SLC5A2: variants seen among roughly 807,000 people sequenced by gnomAD.
The protein encoded by SLC5A2 is solute carrier family 5 member 2.
In SLC5A2, 67 loss-of-function variants were observed where a neutral mutation model predicts 69.0. The observed-to-expected ratio is 0.97, with a 90% CI of 0.80 to 1.19. The LOEUF is 1.19. SLC5A2 is among the 50% of genes most tolerant of loss of function. The pLI is 0.00. For synonymous variants in SLC5A2, 455 were observed against 395.8 expected, an observed-to-expected ratio of 1.15 and a Z score of -1.78; for missense variants, 1,001 against 921.5, an observed-to-expected ratio of 1.09 and a Z score of -1.12.
rs559507725 is a variant in SLC5A2, at chr16:31,489,353, G to A, written c.1665+15G>A. On this transcript the variant is annotated intron_variant, in intron 12 of 13. Transcript: ENST00000330498. ...CCAGAAAGCACGTGAGTGGCCAGGT[G>A]CCCCAGGCAAGCACTGTGGGACACA... 6 of 1,603,140 alleles carry A rather than the reference G, an allele frequency of 3.7e-6. No homozygotes were observed. The highest frequency in any genetic ancestry group is 2.2e-5 in the South Asian group (2 of 90,816).
At chr16:31,490,041 G>A in intron 12 of SLC5A2, 63 bp from the exon 13 acceptor site, 1 of 1,608,748 alleles carries the variant, frequency 6.2e-7, no homozygotes, top group Non-Finnish European at 8.5e-7. Flanking sequence ...GTGTGCAAGA[G>A]ACTTTAGGGC....
rs780302407 is a variant in SLC5A2, at chr16:31,488,782, G to A, written c.1280+10G>A. The A allele has an allele frequency of 3.1e-6, 5 of 1,599,744 alleles. No homozygotes were observed. The African/African-American group carries it at 5.3e-5, about 17-fold the overall frequency. On this transcript the variant is annotated intron_variant, in intron 10 of 13. Transcript: ENST00000330498. Reference sequence around the variant, plus strand: ...TGCTGCTGGTGGGACGGTGCGGCCTGGGCTCCCCTCCTCCCCAACGGATCA... The same window carrying A: ...TGCTGCTGGTGGGACGGTGCGGCCTAGGCTCCCCTCCTCCCCAACGGATCA...
Position 31,483,441 on chromosome 16 carries a change from C to T in SLC5A2, c.126+179C>T, listed in dbSNP as rs990808845. ...GACCCAGCCAACATTCCTCCCTTGT[C>T]TTCCCACTTTGGGACTGTGCTAGCT... On this transcript the variant is annotated intron_variant, in intron 1 of 13. Coordinates refer to ENST00000330498, the MANE Select transcript of SLC5A2 (RefSeq NM_003041.4). 2.6e-5 allele frequency among the ~76,000 whole-genome samples: 4 copies of T among 152,226 alleles called. No homozygotes were observed. The East Asian group carries it at 7.7e-4, about 29-fold the overall frequency.
rs1449064773 is a variant in SLC5A2, at chr16:31,487,620, G to A, written c.746G>A (p.Gly249Glu). Residue 249 changes from glycine (G) to glutamate (E), a missense_variant, in exon 7 of 14, where the codon GGA (glycine) becomes GAA (glutamate). Gly to Glu is a moderately conservative substitution (Grantham distance 98, BLOSUM62 -2). Coordinates refer to ENST00000330498, the MANE Select transcript of SLC5A2 (RefSeq NM_003041.4). Reference sequence around the variant, plus strand: ...ACGGTGTCCGAGGATCCAGCCGTGGGAAACATCTCCAGCTTCTGCTATCGA... The same window carrying A: ...ACGGTGTCCGAGGATCCAGCCGTGGAAAACATCTCCAGCTTCTGCTATCGA... Reference protein sequence around the residue: ...SLTVSEDPAVGNISSFCYRPR... With the variant: ...SLTVSEDPAVENISSFCYRPR... 6.2e-7 allele frequency: 1 copy of A among 1,613,764 alleles called. No individual in the cohort carries two copies. Among genetic ancestry groups the A allele is most frequent in the African/African-American group, 1.3e-5 (1 of 74,902 alleles).
rs780951892 is a variant in SLC5A2, at chr16:31,484,744, G to T, written c.198G>T (p.Pro66=). The T allele has an allele frequency of 3.7e-6, 6 of 1,610,528 alleles. No homozygotes were observed. The highest frequency in any genetic ancestry group is 3.4e-6 in the Non-Finnish European group (4 of 1,180,020). The change falls in exon 2 of 14, where the codon CCG becomes CCT. Residue 66 remains proline (P), a splice_region_variant and synonymous_variant. Coordinates refer to ENST00000330498, the MANE Select transcript of SLC5A2 (RefSeq NM_003041.4). Reference sequence around the variant, plus strand: ...CAGGACGCAGCATGGTGTGGTGGCCGGTGAGACGGGCTGGGCCGGGAACGG... The same window carrying T: ...CAGGACGCAGCATGGTGTGGTGGCCTGTGAGACGGGCTGGGCCGGGAACGG... ...FLAGRSMVWW[P]VGASLFASNI...
rs976338121 is a variant in SLC5A2 at position 31,490,657 on chromosome 16, C to A, written c.*122C>A. ...GAGAAGGTCCTGGCTCCCCTTCTCC[C>A]GGCCTTCCTCTGCCTGGGGCCCACT... is the stretch of plus-strand genomic sequence containing the variant. On this transcript the variant is annotated 3_prime_UTR_variant, in exon 14 of 14. Transcript: ENST00000330498. The A allele has an allele frequency of 4.5e-6, 5 of 1,103,678 alleles. No individual in the cohort carries two copies. The highest frequency in any genetic ancestry group is 2.6e-5 in the South Asian group (2 of 75,884). 68.4% of individuals were successfully genotyped at this position (1,103,678 alleles called of 1,614,324 possible).
Position 31,490,589 on chromosome 16 carries a change from G to T in SLC5A2, c.*54G>T. The T allele has an allele frequency of 6.9e-7, 1 of 1,453,128 alleles. No individual in the cohort carries two copies. Among genetic ancestry groups the T allele is most frequent in the East Asian group, 2.3e-5 (1 of 42,592 alleles). 90.0% of individuals were successfully genotyped at this position (1,453,128 alleles called of 1,614,324 possible). A position where few individuals can be genotyped will look rare whatever the true frequency, so the allele number is the denominator to read the frequency against. On this transcript the variant is annotated 3_prime_UTR_variant, in exon 14 of 14. Coordinates refer to ENST00000330498, the MANE Select transcript of SLC5A2 (RefSeq NM_003041.4). ...CAGCCTCACAGGAAGTGGGGGTGAG[G>T]AGCCTGCGGTGCTCCCCAGAAAAGG... is the stretch of plus-strand genomic sequence containing the variant.
In SLC5A2 at chr16:31,483,266, A is replaced by G; in HGVS notation, c.126+4A>G. On this transcript the variant is annotated splice_donor_region_variant and intron_variant, in intron 1 of 13. Coordinates refer to ENST00000330498, the MANE Select transcript of SLC5A2 (RefSeq NM_003041.4). ...GGTCATTGGCGTTGGCTTGTGGGTG[A>G]GAAGTTGGGGGGTGTGCTGCTGGTG... 1 of 1,610,556 alleles carries G rather than the reference A, an allele frequency of 6.2e-7. No individual in the cohort carries two copies. Among genetic ancestry groups the G allele is most frequent in the South Asian group, 1.1e-5 (1 of 90,942 alleles).
intron 5 of SLC5A2, among the ~76,000 whole-genome samples, chr16:31,486,522 G>A (rs1035707939): frequency 6.6e-6 from 1 of 152,182 alleles, no homozygotes; most frequent in African/African-American, 2.4e-5. Context: ...AGAAAAGGAA[G>A]ATTTAGCAGC....
rs760742567 is a variant in SLC5A2, at chr16:31,489,017, T to TGGCGCTCTTCGTGCC, written c.1420_1434dup (p.Ala474_Pro478dup). The TGGCGCTCTTCGTGCC allele has an allele frequency of 8.7e-6, 14 of 1,600,520 alleles. No individual in the cohort carries two copies. The highest frequency in any genetic ancestry group is 4.0e-5 in the African/African-American group (3 of 74,916). On this transcript the variant is annotated inframe_insertion, in exon 11 of 14. Coordinates refer to ENST00000330498, the MANE Select transcript of SLC5A2 (RefSeq NM_003041.4). Reference sequence around the variant, plus strand: ...CCGCCCGTGTCCGCCGTCTTCGTGCTGGCGCTCTTCGTGCCGCGCGTTAAT... The same window carrying TGGCGCTCTTCGTGCC: ...CCGCCCGTGTCCGCCGTCTTCGTGCTGGCGCTCTTCGTGCCGGCGCTCTTCGTGCCGCGCGTTAAT...
At position 31,490,184 on chromosome 16, in the gene SLC5A2, A is replaced by C. The variant is rs779812189; in HGVS notation, c.1746A>C (p.Ser582=). 3 of 1,614,160 alleles carry C rather than the reference A, an allele frequency of 1.9e-6. No homozygotes were observed. Among genetic ancestry groups the C allele is most frequent in the African/African-American group, 2.7e-5 (2 of 75,042 alleles). ...DLDADEQQGS[S]LPVQNGCPES... ...ATGCTGATGAGCAGCAAGGCTCCTCACTCCCTGTACAGAATGGGTGCCCAG... is the reference window on the plus strand; with the variant it reads ...ATGCTGATGAGCAGCAAGGCTCCTCCCTCCCTGTACAGAATGGGTGCCCAG... Residue 582 remains serine, a synonymous_variant, in exon 13 of 14, where the codon TCA becomes TCC. Coordinates refer to ENST00000330498, the MANE Select transcript of SLC5A2 (RefSeq NM_003041.4).
intron 10 of SLC5A2, 33 bp from the exon 11 acceptor site, chr16:31,488,847 G>A (rs751962055): frequency 1.4e-5 from 23 of 1,602,626 alleles, no homozygotes; most frequent in Non-Finnish European, 1.9e-5. Flanking sequence ...GGGAGCCCAG[G>A]GTCCGGGTTC....
chr16:31,483,172 G>A lies in SLC5A2; in HGVS notation c.36G>A (p.Glu12=). The A allele has an allele frequency of 6.2e-7, 1 of 1,614,048 alleles. No individual in the cohort carries two copies. Among genetic ancestry groups the A allele is most frequent in the Non-Finnish European group, 8.5e-7 (1 of 1,179,992 alleles). The change falls in exon 1 of 14, where the codon GAG becomes GAA. Residue 12 remains glutamate (E), a synonymous_variant. Transcript: ENST00000330498. ...EEHTEAGSAP[E]MGAQKALIDN... is the part of the protein sequence containing the mutation. ...ACACAGAGGCAGGCTCGGCACCAGA[G>A]ATGGGGGCCCAGAAGGCCCTGATTG...
At chr16:31,485,168 G>A (rs993825092) in intron 3 of SLC5A2, 10 of 611,472 alleles carry the variant, frequency 1.6e-5, no homozygotes, top group South Asian at 9.3e-5. Flanking sequence ...CTGCCTCTGG[G>A]AGCTTCCATT....
Position 31,486,165 on chromosome 16 carries a change from C to T in SLC5A2, c.469-5C>T. 6.2e-7 allele frequency: 1 copy of T among 1,611,204 alleles called. No homozygotes were observed. The highest frequency in any genetic ancestry group is 1.3e-5 in the African/African-American group (1 of 74,978). ...TCCTGACCTGGCACTTGCTTCTCCC[C>T]CAAGGTGGACATGTTCTCCGGAGCT... On this transcript the variant is annotated splice_polypyrimidine_tract_variant and splice_region_variant and intron_variant, in intron 4 of 13. Transcript: ENST00000330498.
At position 31,488,636 on chromosome 16, in the gene SLC5A2, A is replaced by C; in HGVS notation, c.1144A>C (p.Met382Leu). The C allele has an allele frequency of 6.2e-7, 1 of 1,611,194 alleles. No homozygotes were observed. The highest frequency in any genetic ancestry group is 8.5e-7 in the Non-Finnish European group (1 of 1,179,006). Residue 382 changes from methionine to leucine, a missense_variant, in exon 10 of 14, where the codon ATG becomes CTG. Coordinates refer to ENST00000330498, the MANE Select transcript of SLC5A2 (RefSeq NM_003041.4). The part of the protein sequence containing the change: ...KLMPNGLRGL[M>L]LAVMLAALMS... The stretch of plus-strand genomic sequence containing the variant: ...TCGGCCCGCAGGTCTGCGCGGACTC[A>C]TGCTGGCGGTCATGCTGGCCGCGCT...
intron 3 of SLC5A2, 46 bp downstream of exon 3, chr16:31,484,969 C>A: frequency 6.6e-7 from 1 of 1,523,196 alleles, no homozygotes; most frequent in Non-Finnish European, 9.1e-7. Flanking sequence ...GTGAGAACAC[C>A]TGGAAGGGTC....
Position 31,490,528 on chromosome 16 carries a change from A to T in SLC5A2, c.2012A>T (p.Tyr671Phe), listed in dbSNP as rs141376808. 619 of 1,610,900 alleles carry T rather than the reference A, an allele frequency of 3.8e-4. 3 individuals carry two copies. Among genetic ancestry groups the T allele is most frequent in the Middle Eastern group, 8.2e-4 (5 of 6,076 alleles). The part of the protein sequence containing the change: ...MAVAVFLWGF[Y>F]A ...GTGGCCGTGTTCCTCTGGGGCTTCT[A>T]TGCCTAAGACCAACTGCGTTGGACA... is the stretch of plus-strand genomic sequence containing the variant. Residue 671 changes from tyrosine (Y) to phenylalanine (F), a missense_variant, in exon 14 of 14, where the codon TAT becomes TTT. Tyr to Phe is a conservative substitution (Grantham distance 22). Transcript: ENST00000330498.
chr16:31,485,703 C>T, intron 3 of SLC5A2, 26 bp from the exon 4 acceptor site: 1 of 1,610,678 alleles, frequency 6.2e-7, no homozygotes, highest in African/African-American at 1.3e-5. Flanking sequence ...CAAAGCCACC[C>T]TCAGCGGCAG....
Sources: gnomAD v4.1 joint callset for allele counts (sites outside exome capture counted in the v4.1 genomes callset) on GRCh38, gnomAD v4.1.1 for gene constraint, MANE v1.5 for transcripts, NCBI Gene and HGNC (gene_info 2026-07-23, HGNC 2026-07-21) for gene names.